GRM8: variants seen among roughly 807,000 people sequenced by gnomAD.
GRM8 encodes the protein metabotropic glutamate receptor 8.
In GRM8, 47 loss-of-function variants were observed where a neutral mutation model predicts 87.2. That is an observed-to-expected ratio of 0.54 (90% CI 0.43 to 0.69). GRM8 has a LOEUF of 0.69. Ranked by LOEUF, GRM8 falls within the 30% of genes least tolerant of loss-of-function variation. GRM8 has a pLI of 0.00. For missense variants in GRM8, 1,019 were observed against 1,139.2 expected, an observed-to-expected ratio of 0.89 and a Z score of 1.52; for synonymous variants, 396 against 404.5, an observed-to-expected ratio of 0.98 and a Z score of 0.25.
chr7:127,242,470 GAA>G (rs80232658), intron 2 of GRM8, among the ~76,000 whole-genome samples: 3 of 141,284 alleles, frequency 2.1e-5, no homozygotes, highest in Admixed American at 7.1e-5. Context: ...CTTTGTTCAG[GAA>G]AAAAAAAAAA....
Position 127,243,148 on chromosome 7 carries a change from G to A in GRM8, c.57C>T (p.Ala19=), listed in dbSNP as rs752057146. ...TCATTGTGAGGATCCAGTAGAACTTGGCGGTCAAGAGGAAGAAACAAGGGC... is the reference window on the plus strand; with the variant it reads ...TCATTGTGAGGATCCAGTAGAACTTAGCGGTCAAGAGGAAGAAACAAGGGC... ...ASCPCFFLLT[A]KFYWILTMMQ... The change falls in exon 2 of 11, where the codon GCC becomes GCT. Residue 19 remains alanine (A), a synonymous_variant. Coordinates refer to ENST00000339582, the MANE Select transcript of GRM8 (RefSeq NM_000845.3). 3.1e-6 allele frequency: 5 copies of A among 1,613,482 alleles called. No individual in the cohort carries two copies. The highest frequency in any genetic ancestry group is 4.2e-6 in the Non-Finnish European group (5 of 1,179,930).
chr7:127,193,741 T>G (rs547750574), intron 2 of GRM8, among the ~76,000 whole-genome samples: 125 of 152,310 alleles, frequency 8.2e-4, no homozygotes, highest in Non-Finnish European at 1.5e-3. Context: ...AAAAAAATAC[T>G]CTCACAGTTT....
intron 6 of GRM8, among the ~76,000 whole-genome samples, chr7:126,810,633 C>G (rs1793200839): frequency 6.6e-6 from 1 of 152,104 alleles, no homozygotes; most frequent in Admixed American, 6.5e-5. Context: ...CTGTTACTGT[C>G]TCCCTCCCAC....
chr7:126,534,439 CCT>C (rs1243118551), intron 8 of GRM8, among the ~76,000 whole-genome samples: 3 of 152,010 alleles, frequency 2.0e-5, no homozygotes, highest in Non-Finnish European at 4.4e-5. Context: ...GTGTTTTGCC[CCT>C]GTTTAGGCTT....
At chr7:126,489,948 T>C (rs1807810373) in intron 9 of GRM8, among the ~76,000 whole-genome samples, 1 of 150,750 alleles carries the variant, frequency 6.6e-6, no homozygotes. Flanking sequence ...GACATCAGAG[T>C]TTCTGGTTCT....
At chr7:126,722,598 C>A (rs895764033) in intron 7 of GRM8, among the ~76,000 whole-genome samples, 1 of 152,082 alleles carries the variant, frequency 6.6e-6, no homozygotes, top group Non-Finnish European at 1.5e-5. Context: ...TTTTCCAACT[C>A]TCTGCTACTG....
intron 9 of GRM8, among the ~76,000 whole-genome samples, chr7:126,530,671 G>A (rs1485710446): frequency 6.6e-6 from 1 of 152,236 alleles, no homozygotes; most frequent in Non-Finnish European, 1.5e-5. Flanking sequence ...AGAAAATGGA[G>A]GACTGACCAG....
intron 6 of GRM8, among the ~76,000 whole-genome samples, chr7:126,899,570 AT>A: frequency 6.6e-6 from 1 of 152,300 alleles, no homozygotes; most frequent in East Asian, 1.9e-4. Flanking sequence ...CAAATTTAGC[AT>A]TTAATTATAG....
intron 2 of GRM8, among the ~76,000 whole-genome samples, chr7:127,201,136 A>G: frequency 6.6e-6 from 1 of 152,226 alleles, no homozygotes. Flanking sequence ...ACAAGTAGGC[A>G]GGGTGACTGG....
chr7:126,548,567 C>T (rs956691929), intron 8 of GRM8, among the ~76,000 whole-genome samples: 8 of 151,992 alleles, frequency 5.3e-5, no homozygotes, highest in African/African-American at 1.9e-4. Flanking sequence ...CATCTATATG[C>T]CCATGATAAT....
rs977467873 is a variant in GRM8, at chr7:126,916,145, A to G, written c.728-11462T>C. Among the ~76,000 whole-genome samples the G allele has an allele frequency of 6.2e-4, 95 of 152,320 alleles. 1 individual carries two copies. The highest frequency in any genetic ancestry group is 2.2e-4 in the Non-Finnish European group (15 of 68,028). On this transcript the variant is annotated intron_variant, in intron 3 of 10. Transcript: ENST00000339582. ...ATTGCCTGGAAAAACCATTATGACA[A>G]AGACAATATTGAAATCAAAGTGAGC...
At chr7:127,231,788 T>A (rs1296321537) in intron 2 of GRM8, among the ~76,000 whole-genome samples, 1 of 152,050 alleles carries the variant, frequency 6.6e-6, no homozygotes, top group East Asian at 1.9e-4. Flanking sequence ...ACCCCTGGGG[T>A]TATTCAGCTG....
intron 3 of GRM8, among the ~76,000 whole-genome samples, chr7:127,088,646 C>T (rs1451014167): frequency 6.6e-6 from 1 of 152,184 alleles, no homozygotes; most frequent in Non-Finnish European, 1.5e-5. Context: ...ACGTAGAACG[C>T]AGTGGTGTCA....
intron 2 of GRM8, among the ~76,000 whole-genome samples, chr7:127,114,687 A>C (rs532879735): frequency 2.0e-5 from 3 of 152,306 alleles, no homozygotes; most frequent in African/African-American, 7.2e-5. Flanking sequence ...ATCATGAGAC[A>C]CACTTTCTTC....
In GRM8 at chr7:126,664,093, A is replaced by C. The variant is rs572149562; in HGVS notation, c.1358-54595T>G. On this transcript the variant is annotated intron_variant, in intron 7 of 10. Coordinates refer to ENST00000339582, the MANE Select transcript of GRM8 (RefSeq NM_000845.3). ...GAATATATTTAACCTAGGAGGTGAA[A>C]TATCTCTAAAGGGACTACAAGACAC... Among the ~76,000 whole-genome samples the C allele has an allele frequency of 3.2e-4, 48 of 152,120 alleles. 1 individual carries two copies. Among genetic ancestry groups the C allele is most frequent in the Non-Finnish European group, 1.2e-4 (8 of 67,986 alleles).
At chr7:126,853,560 T>C (rs1797415421) in intron 6 of GRM8, among the ~76,000 whole-genome samples, 1 of 152,162 alleles carries the variant, frequency 6.6e-6, no homozygotes. Flanking sequence ...CATGACCCAT[T>C]CTACATAAGT....
At chr7:127,098,991 T>C (rs886238889) in intron 3 of GRM8, among the ~76,000 whole-genome samples, 6 of 152,212 alleles carry the variant, frequency 3.9e-5, no homozygotes, top group Non-Finnish European at 7.4e-5. Context: ...AGCTTTAGCT[T>C]CCTTGCCCCT....
intron 8 of GRM8, among the ~76,000 whole-genome samples, chr7:126,551,685 AT>A (rs56412563): frequency 0.32 from 48,259 of 149,416 alleles, 8,342 homozygotes; most frequent in East Asian, 0.44. Flanking sequence ...ACCATACGTA[AT>A]TTTTTTTTTT....
At chr7:126,529,552 T>TTTTTC (rs1554383980) in intron 9 of GRM8, among the ~76,000 whole-genome samples, 1 of 152,142 alleles carries the variant, frequency 6.6e-6, no homozygotes, top group Non-Finnish European at 1.5e-5. Flanking sequence ...TATTGGAGGT[T>TTTTTC]TTTTCTTTTC....
Sources: allele counts gnomAD v4.1 joint callset (sites outside exome capture counted in the v4.1 genomes callset), GRCh38; gene constraint gnomAD v4.1.1; transcripts MANE v1.5; gene names NCBI Gene and HGNC (gene_info 2026-07-23, HGNC 2026-07-21).